The following IZUMO1 variants were observed in gnomAD, a reference collection of about 807,000 sequenced individuals.
The protein encoded by IZUMO1 is izumo sperm-oocyte fusion 1, also known as izumo sperm-egg fusion protein 1.
A neutral mutation model predicts 40.7 loss-of-function variants in IZUMO1; 44 were observed. The observed-to-expected ratio is 1.08, with a 90% CI of 0.85 to 1.39. The LOEUF (loss-of-function observed/expected upper bound fraction) is 1.39. Among genes scored for constraint, IZUMO1 ranks in the 40% most tolerant of loss-of-function variants. The probability of loss-of-function intolerance (pLI) is 0.00; values close to 1 mark genes in which losing one functional copy is unlikely to be tolerated. For synonymous variants in IZUMO1, 149 were observed against 170.9 expected (o/e 0.87, Z 1.00); for missense variants, 368 against 436.9 (o/e 0.84, Z 1.41).
intron 2 of IZUMO1, 50 bp from the exon 3 acceptor site, chr19:48,745,338 G>T: frequency 6.6e-7 from 1 of 1,524,874 alleles, no homozygotes; most frequent in Non-Finnish European, 9.1e-7. Context: ...TCTCATTGGC[G>T]CGCCTAATCT....
In IZUMO1 at chr19:48,742,265, A is replaced by G. The variant is rs575148968; in HGVS notation, c.544T>C (p.Cys182Arg). Residue 182 changes from cysteine (C) to arginine (R), a missense_variant, in exon 7 of 10, where the codon TGT becomes CGT. Coordinates refer to ENST00000332955, the MANE Select transcript of IZUMO1 (RefSeq NM_182575.3). Reference sequence around the variant, plus strand: ...GAAGCCTGATGCCAGTTTAACTCACAGTCCAGGATCATGTCTTCCATTTGA... The same window carrying G: ...GAAGCCTGATGCCAGTTTAACTCACGGTCCAGGATCATGTCTTCCATTTGA... ...VPQMEDMILD[C>R]ELNWHQASEG... 3.7e-6 allele frequency: 6 copies of G among 1,614,174 alleles called. No homozygotes were observed. The East Asian group carries it at 6.7e-5, about 18-fold the overall frequency.
chr19:48,745,409 G>T lies in IZUMO1; in HGVS notation c.236-121C>A, dbSNP rs539642677. The T allele has an allele frequency of 1.9e-5, 20 of 1,048,080 alleles. No individual in the cohort carries two copies. In the South Asian group the frequency reaches 2.4e-4, roughly 13 times the overall value. 64.9% of individuals were successfully genotyped at this position (1,048,080 alleles called of 1,614,324 possible). A position where few individuals can be genotyped will look rare whatever the true frequency, so the allele number is the denominator to read the frequency against. Reference sequence around the variant, plus strand: ...GATAGGCCTGGTTAAGGACTCAGCCGCCCGTTGCCTTCTGGGAGTTGTAGT... The same window carrying T: ...GATAGGCCTGGTTAAGGACTCAGCCTCCCGTTGCCTTCTGGGAGTTGTAGT... On this transcript the variant is annotated intron_variant, in intron 2 of 9. Transcript: ENST00000332955.
intron 5 of IZUMO1, 106 bp downstream of exon 5, chr19:48,744,069 T>C: frequency 1.0e-6 from 1 of 982,600 alleles, no homozygotes; most frequent in Non-Finnish European, 1.6e-6. Context: ...CCCAGGAACC[T>C]CTCCAAGGCA....
rs747329636 is a variant in IZUMO1 at position 48,741,880 on chromosome 19, G to C, written c.663C>G (p.Pro221=). 6.2e-7 allele frequency: 1 copy of C among 1,612,430 alleles called. No individual in the cohort carries two copies. The highest frequency in any genetic ancestry group is 8.5e-7 in the Non-Finnish European group (1 of 1,178,698). Residue 221 remains proline (P), a synonymous_variant, in exon 8 of 10, where the codon CCC becomes CCG. Coordinates refer to ENST00000332955, the MANE Select transcript of IZUMO1 (RefSeq NM_182575.3). The surrounding 1 kb of genome is among the most constrained non-coding windows in gnomAD (Gnocchi z 4.4). ...SKGKEATLTK[P]MVGPEDAGSY... ...TGCCTGCATCCTCTGGACCCACCAT[G>C]GGCTTGGTCAGGGTGGCCTCTTTCC... is the stretch of plus-strand genomic sequence containing the variant.
chr19:48,741,167 GC>G lies in IZUMO1; in HGVS notation c.932+133del, dbSNP rs1179872479. The G allele has an allele frequency of 3.5e-6, 5 of 1,446,826 alleles. No individual in the cohort carries two copies. Among genetic ancestry groups the G allele is most frequent in the East Asian group, 2.3e-5 (1 of 43,028 alleles). 89.6% of individuals were successfully genotyped at this position (1,446,826 alleles called of 1,614,324 possible). On this transcript the variant is annotated intron_variant, in intron 9 of 9. Coordinates refer to ENST00000332955, the MANE Select transcript of IZUMO1 (RefSeq NM_182575.3). The surrounding 1 kb of genome is among the most constrained non-coding windows in gnomAD (Gnocchi z 4.4). ...CGCCCTTCGAAGTCCTCCTATTCAA[GC>G]CCCCCGCACTCCATCCCCAGGAAAG... is the stretch of plus-strand genomic sequence containing the variant.
Position 48,745,883 on chromosome 19 carries a change from G to A in IZUMO1, c.-24C>T, listed in dbSNP as rs1568488220. The A allele has an allele frequency of 1.2e-6, 2 of 1,613,286 alleles. No homozygotes were observed. The highest frequency in any genetic ancestry group is 3.3e-5 in the Admixed American group (2 of 59,968). On this transcript the variant is annotated 5_prime_UTR_variant, in exon 2 of 10. Transcript: ENST00000332955. ...ATTGCAGCCGGCGCGCACAGTTCCCGAAGACCGTTAGGAAGGGTGCTCTCA... is the reference window on the plus strand; with the variant it reads ...ATTGCAGCCGGCGCGCACAGTTCCCAAAGACCGTTAGGAAGGGTGCTCTCA...
chr19:48,744,906 A>C (rs1249798440), intron 3 of IZUMO1, among the ~76,000 whole-genome samples: 1 of 152,170 alleles, frequency 6.6e-6, no homozygotes, highest in Non-Finnish European at 1.5e-5. Context: ...CATGTTGGCC[A>C]GGCTGGTCTT....
At position 48,743,542 on chromosome 19, in the gene IZUMO1, A is replaced by G. The variant is rs374396539; in HGVS notation, c.419-17T>C. ...ACATCACACCTGGAGGGGCAGGGTC[A>G]AGGCTTGTATTTGCCCACTAAGGGG... On this transcript the variant is annotated splice_polypyrimidine_tract_variant and intron_variant, in intron 5 of 9. Coordinates refer to ENST00000332955, the MANE Select transcript of IZUMO1 (RefSeq NM_182575.3). 97 of 1,597,064 alleles carry G rather than the reference A, an allele frequency of 6.1e-5. No individual in the cohort carries two copies. The highest frequency in any genetic ancestry group is 5.3e-4 in the Admixed American group (32 of 59,968).
intron 5 of IZUMO1, 42 bp from the exon 6 acceptor site, chr19:48,743,567 G>A (rs754412480): frequency 6.7e-7 from 1 of 1,489,778 alleles, no homozygotes; most frequent in Middle Eastern, 1.7e-4. Flanking sequence ...CCACTAAGGG[G>A]CATGGCTAAA....
rs1373794404 is a variant in IZUMO1 at position 48,745,426 on chromosome 19, A to G, written c.236-138T>C. On this transcript the variant is annotated intron_variant, in intron 2 of 9. Coordinates refer to ENST00000332955, the MANE Select transcript of IZUMO1 (RefSeq NM_182575.3). ...ACTCAGCCGCCCGTTGCCTTCTGGG[A>G]GTTGTAGTTTTATTACATAAAATTG... 5.9e-6 allele frequency: 6 copies of G among 1,014,436 alleles called. No homozygotes were observed. The African/African-American group carries it at 8.1e-5, about 14-fold the overall frequency. 62.8% of individuals were successfully genotyped at this position (1,014,436 alleles called of 1,614,324 possible).
intron 1 of IZUMO1, chr19:48,746,151 T>C: frequency 1.6e-6 from 2 of 1,260,848 alleles, no homozygotes; most frequent in South Asian, 1.9e-5. Flanking sequence ...TCAGAAAAAC[T>C]ATTAAACAGG....
In IZUMO1 at chr19:48,741,658, G is replaced by T. The variant is rs2122503773; in HGVS notation, c.754+131C>A. The T allele has an allele frequency of 7.6e-7, 1 of 1,310,092 alleles. No individual in the cohort carries two copies. 81.2% of individuals were successfully genotyped at this position (1,310,092 alleles called of 1,614,324 possible). ...CCAGAGGCCACGCCCCCGGCAGGAA[G>T]CCACACCCCGTGCCCCGAAACCACA... is the stretch of plus-strand genomic sequence containing the variant. On this transcript the variant is annotated intron_variant, in intron 8 of 9. Transcript: ENST00000332955. This position sits in a 1 kb window ranked among gnomAD's most constrained non-coding sequence, Gnocchi z 4.4.
At chr19:48,744,428 G>A (rs769164387) in intron 4 of IZUMO1, 25 bp downstream of exon 4, 11 of 1,560,208 alleles carry the variant, frequency 7.1e-6, no homozygotes, top group Non-Finnish European at 9.7e-6. Context: ...GGAGCTGGGG[G>A]ACACCGACTC....
intron 1 of IZUMO1, 184 bp from the exon 2 acceptor site, chr19:48,746,116 C>T (rs947390714): frequency 7.4e-7 from 1 of 1,353,520 alleles, no homozygotes; most frequent in African/African-American, 1.5e-5. Context: ...ATTTAGGGTT[C>T]TCACTGAATC....
intron 7 of IZUMO1, 121 bp downstream of exon 7, chr19:48,742,087 AG>A (rs764948786): frequency 5.1e-4 from 760 of 1,498,390 alleles, no homozygotes; most frequent in Non-Finnish European, 6.4e-4. Flanking sequence ...AGAGGTCTGT[AG>A]AGACCACACC....
intron 5 of IZUMO1, 161 bp downstream of exon 5, chr19:48,744,014 G>A: frequency 1.4e-6 from 1 of 704,808 alleles, no homozygotes; most frequent in East Asian, 2.5e-5. Flanking sequence ...AGTAGAATAT[G>A]ACCTGCTCCC....
chr19:48,746,379 C>T (rs78666923), intron 1 of IZUMO1, 56 bp downstream of exon 1: 3 of 997,482 alleles, frequency 3.0e-6, no homozygotes. Context: ...ACATCTAACA[C>T]AGACCCAACC....
rs748656322 is a variant in IZUMO1, at chr19:48,741,227, G to A, written c.932+74C>T. The A allele has an allele frequency of 2.7e-5, 40 of 1,476,526 alleles. No homozygotes were observed. The highest frequency in any genetic ancestry group is 3.1e-5 in the Non-Finnish European group (34 of 1,108,604). 91.5% of individuals were successfully genotyped at this position (1,476,526 alleles called of 1,614,324 possible). On this transcript the variant is annotated intron_variant, in intron 9 of 9. Coordinates refer to ENST00000332955, the MANE Select transcript of IZUMO1 (RefSeq NM_182575.3). The surrounding 1 kb of genome is among the most constrained non-coding windows in gnomAD (Gnocchi z 4.4). ...TCAGGCCTCAGTAGCCCCCAGACCA[G>A]CTTCTGTGTTGGGTTCCTGGAAGCC...
rs775384269 is a variant in IZUMO1 at position 48,742,130 on chromosome 19, G to A, written c.600+79C>T. The stretch of plus-strand genomic sequence containing the variant: ...ACCACCCTCCTGGGTCATGAGAATC[G>A]TGGGTGCAGGCCCATAGATCCAGAA... On this transcript the variant is annotated intron_variant, in intron 7 of 9. Coordinates refer to ENST00000332955, the MANE Select transcript of IZUMO1 (RefSeq NM_182575.3). The A allele has an allele frequency of 4.6e-5, 69 of 1,485,484 alleles. No individual in the cohort carries two copies. The Middle Eastern group carries it at 4.0e-3, about 86-fold the overall frequency. The allele number at this position is 1,485,484 out of a possible 1,614,324, so 92.0% of individuals were successfully genotyped here.
Sources: gnomAD v4.1 joint callset for allele counts (sites outside exome capture counted in the v4.1 genomes callset) on GRCh38, gnomAD v4.1.1 for gene constraint, Gnocchi (gnomAD v3.1) non-coding constraint, MANE v1.5 for transcripts, NCBI Gene and HGNC (gene_info 2026-07-23, HGNC 2026-07-21) for gene names.